Variants in CCDC69 observed in about 807,000 individuals in gnomAD.
CCDC69 encodes the protein coiled-coil domain containing 69.
A neutral mutation model predicts 40.3 loss-of-function variants in CCDC69; 38 were observed. That is an observed-to-expected ratio of 0.94 (90% CI 0.73 to 1.24). The LOEUF is 1.24. Among genes scored for constraint, CCDC69 ranks in the 50% most tolerant of loss-of-function variants. CCDC69 has a pLI of 0.00. For synonymous variants in CCDC69, 141 were observed against 138.9 expected, an observed-to-expected ratio of 1.02 and a Z score of -0.11; for missense variants, 389 against 357.9, an observed-to-expected ratio of 1.09 and a Z score of -0.70.
At chr5:151,218,545 T>C (rs1433130765) in intron 1 of CCDC69, among the ~76,000 whole-genome samples, 2 of 152,226 alleles carry the variant, frequency 1.3e-5, no homozygotes, top group African/African-American at 4.8e-5. Flanking sequence ...ATGAATTTCA[T>C]ACTGAGACCC....
chr5:151,205,388 C>T lies in CCDC69; in HGVS notation c.124+12G>A. On this transcript the variant is annotated intron_variant, in intron 2 of 8. Transcript: ENST00000355417. ...GATGGCAGTTGGGGCCTTTGTGGGGCTGGCTACTCACCTGTGTCCCCATTG... is the reference window on the plus strand; with the variant it reads ...GATGGCAGTTGGGGCCTTTGTGGGGTTGGCTACTCACCTGTGTCCCCATTG... 6.2e-7 allele frequency: 1 copy of T among 1,610,858 alleles called. No individual in the cohort carries two copies. The highest frequency in any genetic ancestry group is 1.3e-5 in the African/African-American group (1 of 74,978).
Position 151,205,419 on chromosome 5 carries a change from A to G in CCDC69, c.105T>C (p.Gly35=). ...ACTCACCTGTGTCCCCATTGAGGGG[A>G]CCTAATTCATGGGGCTCTGGTCTGG... ...QPPRPEPHEL[G]PLNGDTAITV... is the part of the protein sequence containing the mutation. The change falls in exon 2 of 9, where the codon GGT becomes GGC. Residue 35 remains glycine, a synonymous_variant. Coordinates refer to ENST00000355417, the MANE Select transcript of CCDC69 (RefSeq NM_015621.3). 6.2e-7 allele frequency: 1 copy of G among 1,613,586 alleles called. No individual in the cohort carries two copies. Among genetic ancestry groups the G allele is most frequent in the East Asian group, 2.2e-5 (1 of 44,846 alleles).
At position 151,187,452 on chromosome 5, in the gene CCDC69, C is replaced by G; in HGVS notation, c.327G>C (p.Arg109=). Residue 109 remains arginine, a synonymous_variant, in exon 5 of 9, where the codon CGG becomes CGC. Coordinates refer to ENST00000355417, the MANE Select transcript of CCDC69 (RefSeq NM_015621.3). ...GKNEEALQVL[R]ASYEQEKEAL... ...CTTCTTTCTCCTGTTCATATGAGGC[C>G]CGGAGGACTGTAGGGAAAGGAGAAC... is the stretch of plus-strand genomic sequence containing the variant. The G allele has an allele frequency of 3.1e-6, 5 of 1,613,636 alleles. No individual in the cohort carries two copies. The highest frequency in any genetic ancestry group is 4.2e-6 in the Non-Finnish European group (5 of 1,179,822).
At chr5:151,193,098 G>C (rs570550278) in intron 4 of CCDC69, among the ~76,000 whole-genome samples, 2 of 152,190 alleles carry the variant, frequency 1.3e-5, no homozygotes, top group East Asian at 3.9e-4. Context: ...TTTTATATAA[G>C]TGACTGGAGC....
At chr5:151,188,715 CAT>C (rs1452694597) in intron 4 of CCDC69, among the ~76,000 whole-genome samples, 1 of 151,588 alleles carries the variant, frequency 6.6e-6, no homozygotes, top group Non-Finnish European at 1.5e-5. Flanking sequence ...ATCAATTTAT[CAT>C]ATAAAAATTA....
chr5:151,187,308 GC>G (rs1226403863), intron 5 of CCDC69, 77 bp downstream of exon 5: 6 of 1,338,548 alleles, frequency 4.5e-6, no homozygotes, highest in Non-Finnish European at 6.4e-6. Flanking sequence ...AGTTTTGGCT[GC>G]CTTGGGGCTC....
chr5:151,201,555 A>T, intron 3 of CCDC69, 27 bp downstream of exon 3: 1 of 1,497,870 alleles, frequency 6.7e-7, no homozygotes, highest in African/African-American at 1.4e-5. Context: ...CAGGAGAAAG[A>T]CAGGGGGTGG....
chr5:151,199,785 T>C (rs1752752204), intron 3 of CCDC69, among the ~76,000 whole-genome samples: 1 of 152,136 alleles, frequency 6.6e-6, no homozygotes, highest in South Asian at 2.1e-4. Context: ...ATTCCACAGG[T>C]AATGGTCAGG....
chr5:151,184,262 C>G, intron 8 of CCDC69, 82 bp downstream of exon 8: 1 of 1,021,036 alleles, frequency 9.8e-7, no homozygotes, highest in Non-Finnish European at 1.5e-6. Flanking sequence ...GTCCATTCCT[C>G]AGGCCCCTCT....
chr5:151,215,089 G>A (rs553819951), intron 1 of CCDC69, among the ~76,000 whole-genome samples: 2 of 152,238 alleles, frequency 1.3e-5, no homozygotes, highest in Non-Finnish European at 1.5e-5. Context: ...TGGCAGGCAG[G>A]ACCCTGAAGG....
Position 151,223,982 on chromosome 5 carries a change from G to C in CCDC69, c.-12C>G, listed in dbSNP as rs1189192913. ...TGTCTGCAGCCCATCCTCCTCCGGG[G>C]GCTCCCGGACGCCGCTTCCCAACTC... On this transcript the variant is annotated 5_prime_UTR_variant, in exon 1 of 9. Transcript: ENST00000355417. 3 of 1,552,332 alleles carry C rather than the reference G, an allele frequency of 1.9e-6. No individual in the cohort carries two copies. In the South Asian group the frequency reaches 3.5e-5, roughly 18 times the overall value.
chr5:151,219,900 G>A (rs1227560362), intron 1 of CCDC69, among the ~76,000 whole-genome samples: 1 of 152,012 alleles, frequency 6.6e-6, no homozygotes, highest in Non-Finnish European at 1.5e-5. Context: ...GAACCCTCCA[G>A]TGATAGGAAC....
Position 151,183,248 on chromosome 5 carries a change from CA to C in CCDC69, c.*188del. On this transcript the variant is annotated 3_prime_UTR_variant, in exon 9 of 9. Transcript: ENST00000355417. ...AAGGGAAGACGCTTCTCGGGGCCTC[CA>C]AAACCCTGTGGGTGATTCCATGTAA... 1.3e-6 allele frequency: 1 copy of C among 748,410 alleles called. No individual in the cohort carries two copies. The highest frequency in any genetic ancestry group is 2.4e-6 in the Non-Finnish European group (1 of 421,180). The allele number at this position is 748,410 out of a possible 1,614,324, so 46.4% of individuals were successfully genotyped here.
At chr5:151,187,882 T>C (rs6873308) in intron 4 of CCDC69, among the ~76,000 whole-genome samples, 2,059 of 152,240 alleles carry the variant, frequency 0.014, 44 homozygotes, top group African/African-American at 0.047. Context: ...AAAACTGCAG[T>C]AAGTACATTG....
intron 7 of CCDC69, 52 bp from the exon 8 acceptor site, chr5:151,184,493 G>T: frequency 8.5e-7 from 1 of 1,171,792 alleles, no homozygotes; most frequent in Non-Finnish European, 1.3e-6. Flanking sequence ...GCTGCACGAT[G>T]TGTGCTGTCA....
chr5:151,194,709 A>G (rs544194735), intron 4 of CCDC69, among the ~76,000 whole-genome samples: 26 of 152,138 alleles, frequency 1.7e-4, no homozygotes, highest in Non-Finnish European at 3.4e-4. Context: ...CCTGACCAAG[A>G]TGGTGAAACA....
intron 6 of CCDC69, 141 bp from the exon 7 acceptor site, chr5:151,185,682 C>G: frequency 8.3e-6 from 7 of 841,062 alleles, no homozygotes; most frequent in Non-Finnish European, 1.3e-5. Context: ...TGCTTTATCT[C>G]CCTGTATCCG....
chr5:151,187,981 C>A (rs1752550062), intron 4 of CCDC69, among the ~76,000 whole-genome samples: 2 of 152,124 alleles, frequency 1.3e-5, no homozygotes, highest in Non-Finnish European at 2.9e-5. Context: ...ATCTAAAAGT[C>A]CAGTTACCTC....
chr5:151,201,502 C>G (rs1317929544), intron 3 of CCDC69, 80 bp downstream of exon 3: 5 of 895,828 alleles, frequency 5.6e-6, no homozygotes, highest in Non-Finnish European at 5.3e-6. Context: ...CAACAAAAAC[C>G]TAAGGTAGGC....
Sources: allele counts gnomAD v4.1 joint callset (sites outside exome capture counted in the v4.1 genomes callset), GRCh38; gene constraint gnomAD v4.1.1; transcripts MANE v1.5; gene names NCBI Gene and HGNC (gene_info 2026-07-23, HGNC 2026-07-21).